The following PRTG variants were observed in gnomAD, a reference collection of about 807,000 sequenced individuals.
PRTG encodes protogenin, also known as immunoglobulin superfamily, DCC subclass, member 5.
Under a neutral mutation model 122.5 loss-of-function variants are expected in PRTG, and 67 were observed. That is an observed-to-expected ratio of 0.55 (90% CI 0.45 to 0.67). The LOEUF (loss-of-function observed/expected upper bound fraction) is 0.67. Ranked by LOEUF, PRTG falls within the 30% of genes least tolerant of loss-of-function variation. PRTG has a pLI of 0.00. For missense variants in PRTG, 1,435 were observed against 1,415.4 expected, an observed-to-expected ratio of 1.01 and a Z score of -0.22; for synonymous variants, 554 against 501.1, an observed-to-expected ratio of 1.11 and a Z score of -1.41.
intron 9 of PRTG, among the ~76,000 whole-genome samples, chr15:55,675,105 C>T (rs2059494894): frequency 6.6e-6 from 1 of 152,020 alleles, no homozygotes; most frequent in Non-Finnish European, 1.5e-5. Flanking sequence ...GTACTAAGTG[C>T]TAAGAATTTT....
chr15:55,659,737 C>T (rs1445503427), intron 11 of PRTG, among the ~76,000 whole-genome samples: 8 of 151,692 alleles, frequency 5.3e-5, no homozygotes, highest in South Asian at 2.1e-4. Flanking sequence ...CTGGGCAACA[C>T]GGTGAAACCC....
intron 2 of PRTG, among the ~76,000 whole-genome samples, chr15:55,714,233 C>T (rs2141858629): frequency 6.7e-6 from 1 of 149,864 alleles, no homozygotes; most frequent in African/African-American, 2.5e-5. Flanking sequence ...CTCTCTCTCT[C>T]AATCTTTCTA....
intron 18 of PRTG, among the ~76,000 whole-genome samples, chr15:55,622,582 G>A (rs555598625): frequency 6.6e-6 from 1 of 151,490 alleles, no homozygotes; most frequent in South Asian, 2.1e-4. Context: ...TAGTAGAGAC[G>A]GGGTTTCACC....
At chr15:55,652,321 AG>A (rs1215794422) in intron 11 of PRTG, among the ~76,000 whole-genome samples, 1 of 152,154 alleles carries the variant, frequency 6.6e-6, no homozygotes, top group Admixed American at 6.5e-5. Context: ...CAGAATAAGT[AG>A]GTAGGAAATG....
At chr15:55,698,859 G>T (rs893781194) in intron 2 of PRTG, among the ~76,000 whole-genome samples, 30 of 152,228 alleles carry the variant, frequency 2.0e-4, no homozygotes, top group African/African-American at 6.7e-4. Flanking sequence ...AGAGAGGGAT[G>T]GGGAGAGGGG....
intron 2 of PRTG, among the ~76,000 whole-genome samples, chr15:55,689,507 G>A (rs2141826019): frequency 6.6e-6 from 1 of 152,142 alleles, no homozygotes; most frequent in East Asian, 1.9e-4. Context: ...TCTGGGGGAG[G>A]GATAGCATTA....
chr15:55,662,615 C>T (rs992571363), intron 11 of PRTG, among the ~76,000 whole-genome samples: 1 of 151,966 alleles, frequency 6.6e-6, no homozygotes, highest in Admixed American at 6.6e-5. Flanking sequence ...TATGACCTTA[C>T]CTATATTGAA....
At chr15:55,641,890 A>T (rs1177880881) in intron 11 of PRTG, among the ~76,000 whole-genome samples, 1 of 152,204 alleles carries the variant, frequency 6.6e-6, no homozygotes, top group Admixed American at 6.5e-5. Context: ...CTTTGAAAAA[A>T]TAGGCCGGGC....
At chr15:55,646,701 G>C (rs2059326347) in intron 11 of PRTG, among the ~76,000 whole-genome samples, 2 of 152,276 alleles carry the variant, frequency 1.3e-5, no homozygotes, top group South Asian at 4.1e-4. Flanking sequence ...CTTGCTTAAA[G>C]ATTTAGCAAT....
chr15:55,673,789 T>C (rs2141798737), intron 9 of PRTG, 113 bp from the exon 10 acceptor site: 2 of 802,642 alleles, frequency 2.5e-6, no homozygotes, highest in South Asian at 3.6e-5. Flanking sequence ...AGAGACACTT[T>C]CAGCCCTAGC....
intron 11 of PRTG, chr15:55,655,827 C>T (rs1001332944): frequency 8.5e-5 from 13 of 152,116 alleles, no homozygotes; most frequent in African/African-American, 3.1e-4. Context: ...GTTGTTTTAA[C>T]CTTTCAGTGC....
chr15:55,703,296 A>G (rs2029960897), intron 2 of PRTG, among the ~76,000 whole-genome samples: 1 of 152,216 alleles, frequency 6.6e-6, no homozygotes, highest in Non-Finnish European at 1.5e-5. Context: ...GTTACAGTAA[A>G]TGATTTACAA....
intron 11 of PRTG, among the ~76,000 whole-genome samples, chr15:55,647,248 C>T (rs1183188313): frequency 6.6e-6 from 1 of 152,104 alleles, no homozygotes; most frequent in Non-Finnish European, 1.5e-5. Context: ...CATTGCACTC[C>T]AGTCTGGATG....
In PRTG at chr15:55,738,940, G is replaced by C. The variant is rs138191173; in HGVS notation, c.397+1442C>G. ...GAGGGAGAAAGGAAGGAAGTAGGAA[G>C]GGAGGGAGAGGGAGGGGAGAGAGAG... is the stretch of plus-strand genomic sequence containing the variant. On this transcript the variant is annotated intron_variant, in intron 2 of 19. Coordinates refer to ENST00000389286, the MANE Select transcript of PRTG (RefSeq NM_173814.6). 1.3e-3 allele frequency among the ~76,000 whole-genome samples: 196 copies of C among 150,416 alleles called. 1 individual carries two copies. The highest frequency in any genetic ancestry group is 3.4e-3 in the Middle Eastern group (1 of 292).
In PRTG at chr15:55,660,085, G is replaced by A. The variant is rs73423317; in HGVS notation, c.2041+12360C>T. Among the ~76,000 whole-genome samples, 1,149 of 151,978 alleles carry A rather than the reference G, an allele frequency of 7.6e-3. 15 individuals are homozygous for A. Among genetic ancestry groups the A allele is most frequent in the African/African-American group, 0.027 (1,104 of 41,458 alleles). ...ATTTATAACATACATATGTGTGACCGCCTTAATATATTATGTATGTTATAA... is the reference window on the plus strand; with the variant it reads ...ATTTATAACATACATATGTGTGACCACCTTAATATATTATGTATGTTATAA... On this transcript the variant is annotated intron_variant, in intron 11 of 19. Transcript: ENST00000389286.
At chr15:55,631,399 CT>C (rs1212793670) in intron 15 of PRTG, among the ~76,000 whole-genome samples, 1 of 152,148 alleles carries the variant, frequency 6.6e-6, no homozygotes, top group East Asian at 1.9e-4. Context: ...GAAACTAAGT[CT>C]TTTCACTTAA....
At chr15:55,736,658 A>G (rs1595687548) in intron 2 of PRTG, among the ~76,000 whole-genome samples, 1 of 152,128 alleles carries the variant, frequency 6.6e-6, no homozygotes, top group Non-Finnish European at 1.5e-5. Context: ...CCAAAGGCAA[A>G]CTCAACCTCA....
chr15:55,648,857 G>C (rs950464052), intron 11 of PRTG, among the ~76,000 whole-genome samples: 21 of 152,230 alleles, frequency 1.4e-4, no homozygotes, highest in African/African-American at 5.1e-4. Context: ...CCAGCACTTT[G>C]GGAGGCCAAG....
At chr15:55,639,358 T>C (rs1255419179) in intron 13 of PRTG, among the ~76,000 whole-genome samples, 4 of 152,216 alleles carry the variant, frequency 2.6e-5, no homozygotes, top group South Asian at 2.1e-4. Context: ...TCTTTAAACA[T>C]GCTCAGTTTA....
Sources: gnomAD v4.1 joint callset for allele counts (sites outside exome capture counted in the v4.1 genomes callset) on GRCh38, gnomAD v4.1.1 for gene constraint, MANE v1.5 for transcripts, NCBI Gene and HGNC (gene_info 2026-07-23, HGNC 2026-07-21) for gene names.